The following LHFPL3 variants were observed in gnomAD, a reference collection of about 807,000 sequenced individuals.
LHFPL3 encodes LHFPL tetraspan subfamily member 3 protein.
Under a neutral mutation model 19.3 loss-of-function variants are expected in LHFPL3, and 5 were observed. The ratio of observed to expected loss-of-function variants is 0.26; its 90% CI spans 0.14 to 0.54. The LOEUF (loss-of-function observed/expected upper bound fraction) is 0.54, where lower values mean the gene tolerates loss of function less well. Ranked by LOEUF, LHFPL3 falls within the 20% of genes least tolerant of loss-of-function variation. The probability of loss-of-function intolerance (pLI) is 0.94; values close to 1 mark genes in which losing one functional copy is unlikely to be tolerated. For synonymous variants in LHFPL3, 133 were observed against 126.2 expected (o/e 1.05, Z -0.36); for missense variants, 249 against 307.4 (o/e 0.81, Z 1.42).
chr7:104,343,147 A>T (rs1789990188), intron 1 of LHFPL3, among the ~76,000 whole-genome samples: 1 of 152,156 alleles, frequency 6.6e-6, no homozygotes, highest in Non-Finnish European at 1.5e-5. Context: ...TCATGATGAC[A>T]TGAGCAGTTC....
chr7:104,654,920 G>C (rs1010586237), intron 1 of LHFPL3, among the ~76,000 whole-genome samples: 1 of 152,016 alleles, frequency 6.6e-6, no homozygotes, highest in African/African-American at 2.4e-5. Context: ...GTTCATACTC[G>C]CACTCCCTTA....
intron 2 of LHFPL3, among the ~76,000 whole-genome samples, chr7:104,823,690 G>T (rs986330716): frequency 1.3e-5 from 2 of 152,104 alleles, no homozygotes; most frequent in African/African-American, 2.4e-5. Context: ...ATCTTCAATT[G>T]GTCTGTGAAT....
chr7:104,361,579 G>A (rs1790392054), intron 1 of LHFPL3, among the ~76,000 whole-genome samples: 2 of 152,112 alleles, frequency 1.3e-5, no homozygotes, highest in South Asian at 2.1e-4. Flanking sequence ...TGGGATTAAC[G>A]AGATAATGTA....
chr7:104,339,117 G>A (rs1228411863), intron 1 of LHFPL3, among the ~76,000 whole-genome samples: 3 of 151,980 alleles, frequency 2.0e-5, no homozygotes, highest in Non-Finnish European at 2.9e-5. Flanking sequence ...GTGTGATGGC[G>A]AGTGCCTGTA....
chr7:104,710,089 G>A (rs1793272526), intron 1 of LHFPL3, among the ~76,000 whole-genome samples: 2 of 152,236 alleles, frequency 1.3e-5, no homozygotes, highest in African/African-American at 4.8e-5. Flanking sequence ...GGGAGGCCGA[G>A]GCAGGCAGAT....
At chr7:104,380,217 A>T (rs566950537) in intron 1 of LHFPL3, among the ~76,000 whole-genome samples, 14 of 152,324 alleles carry the variant, frequency 9.2e-5, no homozygotes, top group African/African-American at 2.9e-4. Flanking sequence ...TCTTATGAAG[A>T]TTCATTGAGA....
chr7:104,520,704 ATTTC>A (rs1253230286), intron 1 of LHFPL3, among the ~76,000 whole-genome samples: 1 of 136,126 alleles, frequency 7.3e-6, no homozygotes, highest in Non-Finnish European at 1.6e-5. Flanking sequence ...GAATTTATCT[ATTTC>A]TTCTAGATTT....
chr7:104,683,194 T>G (rs965545696), intron 1 of LHFPL3, among the ~76,000 whole-genome samples: 10 of 152,220 alleles, frequency 6.6e-5, no homozygotes, highest in Non-Finnish European at 1.3e-4. Flanking sequence ...TTCACCATGT[T>G]GGCCAGACTG....
intron 2 of LHFPL3, among the ~76,000 whole-genome samples, chr7:104,855,998 G>T (rs1222283337): frequency 6.6e-6 from 1 of 152,158 alleles, no homozygotes; most frequent in Non-Finnish European, 1.5e-5. Flanking sequence ...ATCTATGACT[G>T]AAGATAATTT....
chr7:104,440,036 G>GC (rs1554394358), intron 1 of LHFPL3, among the ~76,000 whole-genome samples: 965 of 73,026 alleles, frequency 0.013, 26 homozygotes, highest in African/African-American at 0.054. Context: ...TACAAAGCCT[G>GC]GGGGGGGGGA....
At chr7:104,699,873 T>C (rs900010141) in intron 1 of LHFPL3, among the ~76,000 whole-genome samples, 6 of 152,272 alleles carry the variant, frequency 3.9e-5, no homozygotes, top group Admixed American at 3.3e-4. Context: ...GCCTCCAGCA[T>C]TGTAATATCT....
chr7:104,515,590 C>A (rs554665182), intron 1 of LHFPL3, among the ~76,000 whole-genome samples: 1 of 152,242 alleles, frequency 6.6e-6, no homozygotes, highest in Admixed American at 6.5e-5. Flanking sequence ...GGGGTTGTGA[C>A]ATAAACCTCA....
intron 1 of LHFPL3, among the ~76,000 whole-genome samples, chr7:104,431,327 T>C (rs1195422908): frequency 6.6e-6 from 1 of 152,204 alleles, no homozygotes; most frequent in Non-Finnish European, 1.5e-5. Context: ...TTCATTTTTA[T>C]AAAATTCTTA....
intron 1 of LHFPL3, among the ~76,000 whole-genome samples, chr7:104,437,063 A>T (rs1792121866): frequency 6.6e-6 from 1 of 152,204 alleles, no homozygotes; most frequent in Non-Finnish European, 1.5e-5. Flanking sequence ...TTTCAGAAGT[A>T]GCTACTATGT....
chr7:104,521,341 A>G (rs189604492), intron 1 of LHFPL3, among the ~76,000 whole-genome samples: 2 of 152,182 alleles, frequency 1.3e-5, no homozygotes, highest in Admixed American at 1.3e-4. Flanking sequence ...GTTCTTTTAC[A>G]TTTGCTGAGG....
At chr7:104,884,865 C>G (rs1394612791) in intron 2 of LHFPL3, among the ~76,000 whole-genome samples, 1 of 152,178 alleles carries the variant, frequency 6.6e-6, no homozygotes, top group African/African-American at 2.4e-5. Context: ...AGCCTAGAAT[C>G]ACCTGAAATT....
chr7:104,520,111 A>G lies in LHFPL3; in HGVS notation c.445+190887A>G, dbSNP rs893105307. The stretch of plus-strand genomic sequence containing the variant: ...TCATAGATAGCTCTTATTATTTTGA[A>G]ATACGTCCCATCAATACCTAATTTA... On this transcript the variant is annotated intron_variant, in intron 1 of 2. Transcript: ENST00000424859. 3.3e-5 allele frequency among the ~76,000 whole-genome samples: 5 copies of G among 151,982 alleles called. No individual in the cohort carries two copies. The East Asian group carries it at 5.8e-4, about 18-fold the overall frequency.
intron 1 of LHFPL3, among the ~76,000 whole-genome samples, chr7:104,541,084 A>G (rs746367630): frequency 4.1e-5 from 6 of 147,394 alleles, no homozygotes; most frequent in Non-Finnish European, 6.0e-5. Flanking sequence ...CTTATTTTCC[A>G]TATACACATC....
At chr7:104,778,357 T>C (rs936492794) in intron 2 of LHFPL3, among the ~76,000 whole-genome samples, 1 of 152,090 alleles carries the variant, frequency 6.6e-6, no homozygotes, top group African/African-American at 2.4e-5. Flanking sequence ...ATCAGTTGAC[T>C]ATCAGAATGG....
Sources: gnomAD v4.1 joint callset for allele counts (sites outside exome capture counted in the v4.1 genomes callset) on GRCh38, gnomAD v4.1.1 for gene constraint, MANE v1.5 for transcripts, NCBI Gene and HGNC (gene_info 2026-07-23, HGNC 2026-07-21) for gene names.